The following MAGI2 variants were observed in gnomAD, a reference collection of about 807,000 sequenced individuals.
The protein encoded by MAGI2 is membrane-associated guanylate kinase, WW and PDZ domain-containing protein 2.
In MAGI2, 35 loss-of-function variants were observed where a neutral mutation model predicts 133.3. The ratio of observed to expected loss-of-function variants is 0.26; its 90% confidence interval spans 0.20 to 0.35. The LOEUF (loss-of-function observed/expected upper bound fraction) is 0.35. Among genes scored for constraint, MAGI2 ranks in the 10% least tolerant of loss-of-function variants. The pLI is 1.00. For missense variants in MAGI2, 1,636 were observed against 1,863.4 expected (o/e 0.88, Z 2.25); for synonymous variants, 729 against 710.6 (o/e 1.03, Z -0.41).
At chr7:78,108,671 TAC>T (rs1404986794) in intron 20 of MAGI2, among the ~76,000 whole-genome samples, 1 of 147,798 alleles carries the variant, frequency 6.8e-6, no homozygotes, top group African/African-American at 2.5e-5. Context: ...TGTGTGTGTA[TAC>T]ACACATATAT....
intron 1 of MAGI2, among the ~76,000 whole-genome samples, chr7:79,341,066 C>T (rs552249453): frequency 3.2e-4 from 49 of 152,240 alleles, no homozygotes; most frequent in African/African-American, 1.1e-3. Context: ...ACACAGGACT[C>T]TAGTGGAAAG....
At chr7:78,840,595 T>C (rs1792048512) in intron 2 of MAGI2, among the ~76,000 whole-genome samples, 1 of 152,024 alleles carries the variant, frequency 6.6e-6, no homozygotes, top group Admixed American at 6.6e-5. Context: ...GTTTATTCTT[T>C]AGTTGAGGAG....
At chr7:79,213,772 C>CT (rs1477778166) in intron 1 of MAGI2, among the ~76,000 whole-genome samples, 4 of 151,988 alleles carry the variant, frequency 2.6e-5, no homozygotes, top group African/African-American at 9.7e-5. Flanking sequence ...CTACCCAGCC[C>CT]TTTTTTCTTT....
intron 2 of MAGI2, among the ~76,000 whole-genome samples, chr7:78,972,234 C>T (rs550141148): frequency 3.3e-5 from 5 of 151,938 alleles, no homozygotes; most frequent in Admixed American, 6.6e-5. Flanking sequence ...ATTCCTATAA[C>T]CTGCTAAAAT....
chr7:78,488,203 G>T (rs570718210), intron 6 of MAGI2, among the ~76,000 whole-genome samples: 107 of 152,092 alleles, frequency 7.0e-4, no homozygotes, highest in African/African-American at 2.5e-3. Flanking sequence ...AATGACATTT[G>T]GTTCAGAGGA....
chr7:79,160,369 C>T (rs565292428), intron 1 of MAGI2, among the ~76,000 whole-genome samples: 1 of 151,966 alleles, frequency 6.6e-6, no homozygotes, highest in East Asian at 1.9e-4. Context: ...TAATTCTAAG[C>T]CCCATGGTTA....
At chr7:79,024,022 G>T (rs1809607312) in intron 1 of MAGI2, among the ~76,000 whole-genome samples, 1 of 152,014 alleles carries the variant, frequency 6.6e-6, no homozygotes, top group African/African-American at 2.4e-5. Flanking sequence ...ATCTCCAATA[G>T]CCAAGGCAAT....
chr7:78,387,421 G>A (rs1010132074), intron 6 of MAGI2, among the ~76,000 whole-genome samples: 3 of 152,118 alleles, frequency 2.0e-5, no homozygotes, highest in Non-Finnish European at 4.4e-5. Context: ...TTATTGTTTG[G>A]CAGCATCTTG....
chr7:78,839,545 G>A (rs1791943932), intron 2 of MAGI2, among the ~76,000 whole-genome samples: 1 of 152,026 alleles, frequency 6.6e-6, no homozygotes, highest in Admixed American at 6.6e-5. Flanking sequence ...CTTCATGGCT[G>A]GGGAGGCCTC....
chr7:78,019,202 G>T lies in MAGI2; in HGVS notation c.*113C>A. 1 of 1,259,126 alleles carries T rather than the reference G, an allele frequency of 7.9e-7. No homozygotes were observed. Among genetic ancestry groups the T allele is most frequent in the Non-Finnish European group, 1.1e-6 (1 of 916,330 alleles). 78.0% of individuals were successfully genotyped at this position (1,259,126 alleles called of 1,614,324 possible). On this transcript the variant is annotated 3_prime_UTR_variant, in exon 22 of 22. Transcript: ENST00000354212. The stretch of plus-strand genomic sequence containing the variant: ...CTTCACGTCGATGCTCCCAGGCCTT[G>T]GTGCCTCGTGGATCTATGCGTGTGA...
intron 1 of MAGI2, chr7:79,415,136 C>T (rs1846411036): frequency 6.6e-6 from 1 of 152,106 alleles, no homozygotes; most frequent in Admixed American, 6.6e-5. Flanking sequence ...CAGTTTTGCT[C>T]ATTACTCACC....
At chr7:79,327,580 G>A (rs191355587) in intron 1 of MAGI2, among the ~76,000 whole-genome samples, 415 of 152,172 alleles carry the variant, frequency 2.7e-3, no homozygotes, top group Non-Finnish European at 4.1e-3. Flanking sequence ...TGATACAAAG[G>A]CAAACCACAA....
chr7:78,664,050 A>C (rs113891090), intron 2 of MAGI2, among the ~76,000 whole-genome samples: 2 of 152,294 alleles, frequency 1.3e-5, no homozygotes, highest in African/African-American at 4.8e-5. Context: ...ATAGTTTTTC[A>C]GTCTGTAGCA....
At chr7:78,998,338 C>T (rs180904080) in intron 2 of MAGI2, among the ~76,000 whole-genome samples, 225 of 152,130 alleles carry the variant, frequency 1.5e-3, no homozygotes, top group Middle Eastern at 0.01. Flanking sequence ...TGATAAAATA[C>T]AGAAAAGTAA....
intron 4 of MAGI2, among the ~76,000 whole-genome samples, chr7:78,515,429 A>G (rs1249354232): frequency 6.6e-6 from 1 of 152,150 alleles, no homozygotes; most frequent in Non-Finnish European, 1.5e-5. Flanking sequence ...GAAACACTGC[A>G]TATTGAATAT....
At chr7:78,633,754 T>C (rs987388996) in intron 2 of MAGI2, among the ~76,000 whole-genome samples, 1 of 145,510 alleles carries the variant, frequency 6.9e-6, no homozygotes, top group Non-Finnish European at 1.5e-5. Flanking sequence ...TGTGATAAAA[T>C]GGTGCGATAA....
At chr7:79,144,638 T>A (rs1238032220) in intron 1 of MAGI2, among the ~76,000 whole-genome samples, 2 of 152,222 alleles carry the variant, frequency 1.3e-5, no homozygotes, top group Non-Finnish European at 2.9e-5. Context: ...AAGCACTTTA[T>A]GCCTTTTACA....
At chr7:78,478,085 C>A (rs767792315) in intron 6 of MAGI2, among the ~76,000 whole-genome samples, 1 of 151,748 alleles carries the variant, frequency 6.6e-6, no homozygotes, top group Non-Finnish European at 1.5e-5. Context: ...CTCCCTATCC[C>A]CCAACAGGCC....
chr7:78,924,290 T>C (rs7457404), intron 2 of MAGI2, among the ~76,000 whole-genome samples: 151,276 of 152,236 alleles, frequency 0.99, 75,166 homozygotes, highest in East Asian at 1. Context: ...AAAGGGAATG[T>C]TTCCAGTTGT....
Sources: allele counts gnomAD v4.1 joint callset (sites outside exome capture counted in the v4.1 genomes callset), GRCh38; gene constraint gnomAD v4.1.1; transcripts MANE v1.5; gene names NCBI Gene and HGNC (gene_info 2026-07-23, HGNC 2026-07-21).